The following C1QTNF1 variants were observed in gnomAD, a reference collection of about 807,000 sequenced individuals.
C1QTNF1 encodes C1q and TNF related 1.
In C1QTNF1, 22 loss-of-function variants were observed where a neutral mutation model predicts 27.8. The observed-to-expected ratio is 0.79, with a 90% CI of 0.56 to 1.13. The LOEUF (loss-of-function observed/expected upper bound fraction) is 1.13, where lower values mean the gene tolerates loss of function less well. Ranked by LOEUF, C1QTNF1 falls within the 50% of genes most tolerant of loss-of-function variation. The probability of loss-of-function intolerance (pLI) is 0.00; values close to 1 mark genes in which losing one functional copy is unlikely to be tolerated. For missense variants in C1QTNF1, 373 were observed against 380.2 expected, an observed-to-expected ratio of 0.98 and a Z score of 0.16; for synonymous variants, 166 against 154.3, an observed-to-expected ratio of 1.08 and a Z score of -0.56.
At chr17:79,028,033 G>A (rs562689338) in intron 1 of C1QTNF1, among the ~76,000 whole-genome samples, 8 of 152,328 alleles carry the variant, frequency 5.3e-5, no homozygotes, top group South Asian at 4.1e-4. Flanking sequence ...TGTCCAGGAC[G>A]GCCGTCGGGA....
rs576604515 is a variant in C1QTNF1 at position 79,036,688 on chromosome 17, T to G, written c.-14-7267T>G. 1.2e-4 allele frequency among the ~76,000 whole-genome samples: 19 copies of G among 152,356 alleles called. No homozygotes were observed. In the South Asian group the frequency reaches 2.7e-3, roughly 22 times the overall value. ...GAGCTATAATTGGGTACGTGTCTGT[T>G]TCCTTCACTAGCCTGTTATATTCTT... On this transcript the variant is annotated intron_variant, in intron 1 of 3. Coordinates refer to ENST00000579760, the MANE Select transcript of C1QTNF1 (RefSeq NM_030968.5).
intron 2 of C1QTNF1, among the ~76,000 whole-genome samples, chr17:79,044,776 A>G (rs973795260): frequency 1.3e-5 from 2 of 152,230 alleles, no homozygotes; most frequent in African/African-American, 4.8e-5. Context: ...AGACCCGGCG[A>G]CAGCTCAAGC....
At chr17:79,028,883 GGTGT>G (rs3223281) in intron 1 of C1QTNF1, among the ~76,000 whole-genome samples, 9,271 of 149,274 alleles carry the variant, frequency 0.062, 691 homozygotes, top group African/African-American at 0.19. Context: ...CACATTTTAA[GGTGT>G]GTGTGTGTGT....
At position 79,046,075 on chromosome 17, in the gene C1QTNF1, C is replaced by G. The variant is rs2072564201; in HGVS notation, c.156-480C>G. 6.6e-6 allele frequency among the ~76,000 whole-genome samples: 1 copy of G among 152,206 alleles called. No homozygotes were observed. The highest frequency in any genetic ancestry group is 1.5e-5 in the Non-Finnish European group (1 of 68,042). ...CCAGGAGCCGCCGCCGTCCATCCTG[C>G]CTGCGGGCTTGTCCTTCCAATCAGG... On this transcript the variant is annotated intron_variant, in intron 2 of 3. Coordinates refer to ENST00000579760, the MANE Select transcript of C1QTNF1 (RefSeq NM_030968.5). The surrounding 1 kb of genome is among the most constrained non-coding windows in gnomAD (Gnocchi z 4.8).
At chr17:79,035,044 G>C (rs1461457809) in intron 1 of C1QTNF1, among the ~76,000 whole-genome samples, 1 of 152,178 alleles carries the variant, frequency 6.6e-6, no homozygotes, top group African/African-American at 2.4e-5. Flanking sequence ...CATCAAATGG[G>C]AGCCACTCTG....
intron 1 of C1QTNF1, among the ~76,000 whole-genome samples, chr17:79,030,138 G>A (rs2072084993): frequency 6.6e-6 from 1 of 152,148 alleles, no homozygotes; most frequent in Non-Finnish European, 1.5e-5. Flanking sequence ...TCCCCAGGGT[G>A]GGGCTTATTT....
intron 1 of C1QTNF1, among the ~76,000 whole-genome samples, chr17:79,026,968 G>T (rs1032378320): frequency 2.0e-5 from 3 of 152,068 alleles, no homozygotes; most frequent in Non-Finnish European, 4.4e-5. Flanking sequence ...AAATATTCTG[G>T]CATTGAACTT....
intron 1 of C1QTNF1, among the ~76,000 whole-genome samples, chr17:79,025,243 C>T (rs2071909532): frequency 6.6e-6 from 1 of 152,222 alleles, no homozygotes; most frequent in African/African-American, 2.4e-5. Context: ...TCCACCGGTG[C>T]AGGTGTGGTC....
intron 1 of C1QTNF1, 103 bp from the exon 2 acceptor site, chr17:79,043,852 C>A: frequency 7.8e-7 from 1 of 1,283,898 alleles, no homozygotes; most frequent in Non-Finnish European, 1.1e-6. Flanking sequence ...GCTGGGGAAG[C>A]ACCTCCGATT....
At chr17:79,027,508 G>A (rs1222382676) in intron 1 of C1QTNF1, 2 of 152,402 alleles carry the variant, frequency 1.3e-5, no homozygotes, top group African/African-American at 2.4e-5. Context: ...GCCCTGTCCT[G>A]GGGTCTATGC....
At chr17:79,036,911 C>G (rs1021063929) in intron 1 of C1QTNF1, among the ~76,000 whole-genome samples, 1 of 152,122 alleles carries the variant, frequency 6.6e-6, no homozygotes, top group Non-Finnish European at 1.5e-5. Flanking sequence ...CAGCTGCTCA[C>G]CTGATGAGGA....
Position 79,047,701 on chromosome 17 carries a change from G to A in C1QTNF1, c.459G>A (p.Lys153=). ...SHYAAFSVGR[K]KPMHSNHYYQ... is the part of the protein sequence containing the mutation. ...ACGCCGCCTTTTCGGTGGGCCGGAAGAAGCCCATGCACAGCAACCACTACT... is the reference window on the plus strand; with the variant it reads ...ACGCCGCCTTTTCGGTGGGCCGGAAAAAGCCCATGCACAGCAACCACTACT... Residue 153 remains lysine, a synonymous_variant, in exon 4 of 4, where the codon AAG becomes AAA. Transcript: ENST00000579760. 6.2e-7 allele frequency: 1 copy of A among 1,614,126 alleles called. No homozygotes were observed. The highest frequency in any genetic ancestry group is 1.3e-5 in the African/African-American group (1 of 75,024).
chr17:79,038,156 AT>A (rs2072309739), intron 1 of C1QTNF1, among the ~76,000 whole-genome samples: 1 of 151,662 alleles, frequency 6.6e-6, no homozygotes, highest in African/African-American at 2.4e-5. Flanking sequence ...CGCCCAGCTA[AT>A]TTTTGTATTT....
At chr17:79,045,729 T>C (rs565713042) in intron 2 of C1QTNF1, among the ~76,000 whole-genome samples, 3 of 152,268 alleles carry the variant, frequency 2.0e-5, no homozygotes, top group African/African-American at 7.2e-5. Context: ...CGGTTTTGCA[T>C]ACATGACATC....
intron 1 of C1QTNF1, chr17:79,043,529 T>C: frequency 2.3e-6 from 1 of 440,986 alleles, no homozygotes; most frequent in Non-Finnish European, 4.6e-6. Context: ...TATGCATGTG[T>C]GTAGGTTTCA....
In C1QTNF1 at chr17:79,047,680, C is replaced by T. The variant is rs201086585; in HGVS notation, c.438C>T (p.Ala146=). ...APGERCKSHY[A]AFSVGRKKPM... ...GGGAGCGGTGCAAGAGCCACTACGC[C>T]GCCTTTTCGGTGGGCCGGAAGAAGC... Residue 146 remains alanine, a synonymous_variant, in exon 4 of 4, where the codon GCC becomes GCT. Coordinates refer to ENST00000579760, the MANE Select transcript of C1QTNF1 (RefSeq NM_030968.5). 5.1e-5 allele frequency: 83 copies of T among 1,613,898 alleles called. No individual in the cohort carries two copies. The highest frequency in any genetic ancestry group is 5.7e-5 in the Non-Finnish European group (67 of 1,179,962).
chr17:79,043,572 A>C (rs1031988960), intron 1 of C1QTNF1: 1 of 435,766 alleles, frequency 2.3e-6, no homozygotes, highest in Non-Finnish European at 4.6e-6. Context: ...TTGTGTGTAC[A>C]TGTGTGTGGA....
chr17:79,031,723 C>T (rs369954713), intron 1 of C1QTNF1, among the ~76,000 whole-genome samples: 1 of 152,230 alleles, frequency 6.6e-6, no homozygotes, highest in African/African-American at 2.4e-5. Context: ...GGATTACAGG[C>T]GTGAGCCACT....
At chr17:79,029,739 T>C (rs1314044524) in intron 1 of C1QTNF1, among the ~76,000 whole-genome samples, 3 of 152,136 alleles carry the variant, frequency 2.0e-5, no homozygotes, top group Non-Finnish European at 4.4e-5. Context: ...ACAAAGCCCC[T>C]CACTGCTAGG....
Sources: allele counts gnomAD v4.1 joint callset (sites outside exome capture counted in the v4.1 genomes callset), GRCh38; gene constraint gnomAD v4.1.1; non-coding constraint Gnocchi (gnomAD v3.1); transcripts MANE v1.5; gene names NCBI Gene and HGNC (gene_info 2026-07-23, HGNC 2026-07-21).